Variants in GRAMD2B observed in about 807,000 individuals in gnomAD.
The protein encoded by GRAMD2B is GRAM domain-containing protein 2B.
In GRAMD2B, 41 loss-of-function variants were observed where a neutral mutation model predicts 59.2. That is an observed-to-expected ratio of 0.69 (90% CI 0.54 to 0.90). The LOEUF (loss-of-function observed/expected upper bound fraction) is 0.90, where lower values mean the gene tolerates loss of function less well. GRAMD2B is among the 40% of genes least tolerant of loss of function. GRAMD2B has a pLI of 0.00. For missense variants in GRAMD2B, 424 were observed against 500.5 expected, an observed-to-expected ratio of 0.85 and a Z score of 1.46; for synonymous variants, 161 against 182.7, an observed-to-expected ratio of 0.88 and a Z score of 0.96.
upstream of GRAMD2B, among the ~76,000 whole-genome samples, chr5:126,367,432 TGGAGGAGGAGGAGGAGGAGGA>T (rs70994862): frequency 2.1e-5 from 3 of 140,682 alleles, no homozygotes; most frequent in Non-Finnish European, 3.1e-5. Context: ...CTGTAAAAAC[TGGAGGAGGAGGAGGAGGAGGA>T]GGAGGAGGAG....
chr5:126,478,140 G>GGAA (rs1554090275), intron 6 of GRAMD2B, among the ~76,000 whole-genome samples: 1 of 126,874 alleles, frequency 7.9e-6, no homozygotes, highest in Non-Finnish European at 1.6e-5. Flanking sequence ...GTCTTAAAGG[G>GGAA]AAAAAAAAAA....
intron 1 of GRAMD2B, among the ~76,000 whole-genome samples, chr5:126,380,163 G>A (rs1755540189): frequency 6.6e-6 from 1 of 152,096 alleles, no homozygotes; most frequent in South Asian, 2.1e-4. Context: ...GTTGAGTAGG[G>A]TGTCCTTTCC....
chr5:126,433,792 G>A (rs1418992664), intron 1 of GRAMD2B: 1 of 152,234 alleles, frequency 6.6e-6, no homozygotes, highest in East Asian at 1.9e-4. Flanking sequence ...TGTGACTGAT[G>A]TGTTTTAAAA....
intron 1 of GRAMD2B, among the ~76,000 whole-genome samples, chr5:126,428,447 G>T (rs7737127): frequency 0.18 from 27,585 of 151,968 alleles, 2,707 homozygotes; most frequent in Admixed American, 0.26. Context: ...AACAGTGTGT[G>T]TTCTAGTTTG....
intron 3 of GRAMD2B, among the ~76,000 whole-genome samples, chr5:126,470,895 CCT>C (rs1491239119): frequency 6.6e-6 from 1 of 152,140 alleles, no homozygotes; most frequent in Non-Finnish European, 1.5e-5. Context: ...AGCCCCACTA[CCT>C]TTTTTGCCAT....
intron 1 of GRAMD2B, among the ~76,000 whole-genome samples, chr5:126,397,499 T>C (rs1757460240): frequency 6.6e-6 from 1 of 152,148 alleles, no homozygotes; most frequent in African/African-American, 2.4e-5. Context: ...GCTGGGATTA[T>C]AGGTGTGAGC....
intron 1 of GRAMD2B, among the ~76,000 whole-genome samples, chr5:126,463,102 C>T (rs1418505792): frequency 2.0e-5 from 3 of 152,196 alleles, no homozygotes; most frequent in African/African-American, 7.2e-5. Context: ...AATCTAGCCT[C>T]AGTTTTGCTG....
At chr5:126,472,382 T>C (rs968156462) in intron 4 of GRAMD2B, 78 bp downstream of exon 4, 35 of 1,139,602 alleles carry the variant, frequency 3.1e-5, no homozygotes, top group Non-Finnish European at 4.5e-5. Context: ...AAAAAGGGCA[T>C]AGTCCATGGA....
Position 126,485,582 on chromosome 5 carries a change from T to C in GRAMD2B, c.971-104T>C, listed in dbSNP as rs571303805. 7 of 640,640 alleles carry C rather than the reference T, an allele frequency of 1.1e-5. No individual in the cohort carries two copies. The African/African-American group carries it at 1.3e-4, about 12-fold the overall frequency. The allele number at this position is 640,640 out of a possible 1,614,324, so 39.7% of individuals were successfully genotyped here. On this transcript the variant is annotated intron_variant, in intron 10 of 13. Transcript: ENST00000285689. Reference sequence around the variant, plus strand: ...ACTTGATATTTTCTCTGATTTCTTTTACCTGGGAACAATTACCTCTCTCAA... The same window carrying C: ...ACTTGATATTTTCTCTGATTTCTTTCACCTGGGAACAATTACCTCTCTCAA...
chr5:126,363,190 C>T (rs145466493), intron 1 of GRAMD2B, among the ~76,000 whole-genome samples: 9 of 152,130 alleles, frequency 5.9e-5, no homozygotes, highest in Admixed American at 5.2e-4. Flanking sequence ...AAAGAGAATA[C>T]ACAAATGGCC....
chr5:126,444,498 T>C (rs962447144), intron 1 of GRAMD2B, among the ~76,000 whole-genome samples: 1 of 152,156 alleles, frequency 6.6e-6, no homozygotes, highest in East Asian at 1.9e-4. Context: ...CCCTTTGAAG[T>C]ATATGTTTAT....
At chr5:126,368,671 T>A (rs1039991286), upstream of GRAMD2B, among the ~76,000 whole-genome samples, 1 of 152,190 alleles carries the variant, frequency 6.6e-6, no homozygotes, top group African/African-American at 2.4e-5. Flanking sequence ...CCCCCAGGGT[T>A]TTACTTACCT....
intron 6 of GRAMD2B, among the ~76,000 whole-genome samples, chr5:126,478,412 T>C (rs1476528885): frequency 6.6e-6 from 1 of 152,122 alleles, no homozygotes; most frequent in East Asian, 1.9e-4. Flanking sequence ...CACTCCAGCC[T>C]GGGCAACAGA....
At chr5:126,468,949 G>A (rs1402061863) in intron 2 of GRAMD2B, among the ~76,000 whole-genome samples, 2 of 151,992 alleles carry the variant, frequency 1.3e-5, no homozygotes, top group Non-Finnish European at 1.5e-5. Context: ...ACTGTGTTAT[G>A]GGCCCCAAGA....
upstream of GRAMD2B, among the ~76,000 whole-genome samples, chr5:126,421,441 G>A (rs1251685639): frequency 6.6e-6 from 1 of 152,088 alleles, no homozygotes; most frequent in Non-Finnish European, 1.5e-5. Context: ...GAAGGCATCA[G>A]GAATGTCCCC....
At chr5:126,451,875 G>A (rs762081295) in intron 1 of GRAMD2B, among the ~76,000 whole-genome samples, 14 of 152,036 alleles carry the variant, frequency 9.2e-5, no homozygotes, top group Non-Finnish European at 1.8e-4. Context: ...TAGTTAATAT[G>A]AGATCTGGTT....
intron 1 of GRAMD2B, among the ~76,000 whole-genome samples, chr5:126,413,561 G>T (rs920240778): frequency 6.6e-6 from 1 of 152,038 alleles, no homozygotes; most frequent in African/African-American, 2.4e-5. Flanking sequence ...GTGCAGATGA[G>T]AATATATATT....
chr5:126,488,061 G>A (rs1264090015), intron 12 of GRAMD2B, among the ~76,000 whole-genome samples: 3 of 152,140 alleles, frequency 2.0e-5, no homozygotes, highest in African/African-American at 7.2e-5. Context: ...TACCATTCTA[G>A]GACCTTTCTT....
intron 1 of GRAMD2B, among the ~76,000 whole-genome samples, chr5:126,443,060 C>G (rs535602547): frequency 1.4e-4 from 21 of 152,312 alleles, no homozygotes; most frequent in African/African-American, 4.8e-4. Flanking sequence ...ATTTACCACT[C>G]TCTCCCAGCC....
Sources: allele counts gnomAD v4.1 joint callset (sites outside exome capture counted in the v4.1 genomes callset), GRCh38; gene constraint gnomAD v4.1.1; transcripts MANE v1.5; gene names NCBI Gene and HGNC (gene_info 2026-07-23, HGNC 2026-07-21).